PSMA2: variants seen among roughly 807,000 people sequenced by gnomAD.
PSMA2 encodes the protein proteasome subunit alpha type-2.
In PSMA2, 2 loss-of-function variants were observed where a neutral mutation model predicts 35.9. The ratio of observed to expected loss-of-function variants is 0.06; its 90% CI spans 0.02 to 0.18. The LOEUF (loss-of-function observed/expected upper bound fraction) is 0.18. Ranked by LOEUF, PSMA2 falls within the 10% of genes least tolerant of loss-of-function variation. The pLI is 1.00. For synonymous variants in PSMA2, 97 were observed against 98.2 expected, an observed-to-expected ratio of 0.99 and a Z score of 0.07; for missense variants, 126 against 278.8, an observed-to-expected ratio of 0.45 and a Z score of 3.90.
At chr7:42,920,162 C>A (rs1396403184) in intron 6 of PSMA2, 6 of 368,790 alleles carry the variant, frequency 1.6e-5, no homozygotes, top group Admixed American at 4.0e-5. Context: ...CATCAGCCTT[C>A]CAGAGTTACT....
intron 5 of PSMA2, 51 bp downstream of exon 5, chr7:42,923,274 A>T (rs1415701374): frequency 7.4e-7 from 1 of 1,354,378 alleles, no homozygotes. Flanking sequence ...TCTGTTAGAT[A>T]TTCAAAGAGC....
At chr7:42,920,506 T>A (rs996058567) in intron 6 of PSMA2, 2 of 152,354 alleles carry the variant, frequency 1.3e-5, no homozygotes, top group Non-Finnish European at 2.9e-5. Flanking sequence ...AGGGAATACA[T>A]GATAAAGTAA....
chr7:42,924,692 T>C lies in PSMA2; in HGVS notation c.357A>G (p.Gln119=). ...CAACTTACCCTGACTGAGTATATTC[T>C]TGCATCACAGAAGCTACTCTCTGTA... ...QLVQRVASVM[Q]EYTQSGGVRP... The change falls in exon 4 of 8, where the codon CAA becomes CAG. Residue 119 remains glutamine, a synonymous_variant. Coordinates refer to ENST00000223321, the MANE Select transcript of PSMA2 (RefSeq NM_002787.5). The C allele has an allele frequency of 1.2e-6, 2 of 1,612,662 alleles. No individual in the cohort carries two copies. The highest frequency in any genetic ancestry group is 1.7e-6 in the Non-Finnish European group (2 of 1,179,106).
At chr7:42,928,516 G>C (rs537193520) in intron 1 of PSMA2, among the ~76,000 whole-genome samples, 2 of 152,226 alleles carry the variant, frequency 1.3e-5, no homozygotes, top group East Asian at 3.9e-4. Flanking sequence ...GTAGCTAAAC[G>C]CAAGTCTCAA....
chr7:42,922,058 T>A, intron 5 of PSMA2, 127 bp from the exon 6 acceptor site: 1 of 704,976 alleles, frequency 1.4e-6, no homozygotes, highest in African/African-American at 1.8e-5. Context: ...ATTATTAGAA[T>A]GGAAAACGTC....
intron 6 of PSMA2, chr7:42,920,740 T>C (rs559699529): frequency 6.6e-6 from 1 of 152,232 alleles, no homozygotes; most frequent in East Asian, 1.9e-4. Flanking sequence ...AGATTTTTAA[T>C]AACCTTAACG....
At chr7:42,920,308 A>T (rs536796171) in intron 6 of PSMA2, 1 of 185,068 alleles carries the variant, frequency 5.4e-6, no homozygotes, top group Admixed American at 5.9e-5. Flanking sequence ...ATCCTCTTGT[A>T]GTACAATGGC....
chr7:42,922,605 C>T (rs369654678), intron 5 of PSMA2, among the ~76,000 whole-genome samples: 8 of 152,304 alleles, frequency 5.3e-5, no homozygotes, highest in African/African-American at 1.9e-4. Flanking sequence ...AGTAACAACA[C>T]TATCAAAGTT....
At chr7:42,928,362 C>T (rs903476922) in intron 1 of PSMA2, among the ~76,000 whole-genome samples, 1 of 152,098 alleles carries the variant, frequency 6.6e-6, no homozygotes, top group Admixed American at 6.5e-5. Flanking sequence ...TATTTCAGGT[C>T]GGAGGGTGGT....
chr7:42,928,696 A>G (rs1256951044), intron 1 of PSMA2, among the ~76,000 whole-genome samples: 1 of 152,182 alleles, frequency 6.6e-6, no homozygotes, highest in Non-Finnish European at 1.5e-5. Flanking sequence ...AGAAGGCCGT[A>G]TTTTCTCTTC....
chr7:42,925,790 G>A (rs1467365998), intron 3 of PSMA2, among the ~76,000 whole-genome samples: 1 of 152,190 alleles, frequency 6.6e-6, no homozygotes, highest in Non-Finnish European at 1.5e-5. Context: ...GCAGTATCCA[G>A]CCTATATAGT....
chr7:42,925,459 T>C (rs1786197174), intron 3 of PSMA2, among the ~76,000 whole-genome samples: 1 of 152,196 alleles, frequency 6.6e-6, no homozygotes, highest in African/African-American at 2.4e-5. Context: ...ACTCCTCTTT[T>C]CTCTGTTTAA....
intron 2 of PSMA2, 40 bp downstream of exon 2, chr7:42,927,343 C>T (rs776264467): frequency 2.6e-6 from 4 of 1,521,128 alleles, no homozygotes. Context: ...ATTAGGATAA[C>T]TACTAACAGG....
At chr7:42,919,794 G>T in intron 6 of PSMA2, 2 of 677,520 alleles carry the variant, frequency 3.0e-6, no homozygotes, top group South Asian at 3.0e-5. Flanking sequence ...TTATAAGTAT[G>T]ATGATAATAG....
intron 6 of PSMA2, 57 bp from the exon 7 acceptor site, chr7:42,917,892 A>G: frequency 8.2e-7 from 1 of 1,225,420 alleles, no homozygotes. Context: ...ATAACTATTT[A>G]AATACAATGA....
At chr7:42,926,406 T>G (rs972999507) in intron 3 of PSMA2, 130 bp downstream of exon 3, 11 of 1,138,846 alleles carry the variant, frequency 9.7e-6, no homozygotes, top group Non-Finnish European at 1.3e-5. Flanking sequence ...AGGCTGCTAT[T>G]GCTAAACAAA....
chr7:42,919,169 C>T (rs548731215), intron 6 of PSMA2: 25 of 562,896 alleles, frequency 4.4e-5, no homozygotes, highest in African/African-American at 4.3e-4. Context: ...GACGGCAAAC[C>T]TATGCTATGC....
rs955347519 is a variant in PSMA2 at position 42,923,459 on chromosome 7, C to T, written c.375-53G>A. On this transcript the variant is annotated intron_variant, in intron 4 of 7. Coordinates refer to ENST00000223321, the MANE Select transcript of PSMA2 (RefSeq NM_002787.5). ...GGCATTTTCATGGTGTTAAAGTCAT[C>T]CTCAAGAATTTATCAGTACTCTCAA... The T allele has an allele frequency of 1.8e-5, 26 of 1,410,396 alleles. No homozygotes were observed. The South Asian group carries it at 2.9e-4, about 16-fold the overall frequency. 87.4% of individuals were successfully genotyped at this position (1,410,396 alleles called of 1,614,324 possible).
intron 6 of PSMA2, 108 bp downstream of exon 6, chr7:42,921,750 G>C (rs972134696): frequency 2.3e-6 from 2 of 853,854 alleles, no homozygotes; most frequent in Admixed American, 2.3e-5. Context: ...TTCATATACA[G>C]AGTAATATAG....
Sources: gnomAD v4.1 joint callset for allele counts (sites outside exome capture counted in the v4.1 genomes callset) on GRCh38, gnomAD v4.1.1 for gene constraint, MANE v1.5 for transcripts, NCBI Gene and HGNC (gene_info 2026-07-23, HGNC 2026-07-21) for gene names.